The following LMTK2 variants were observed in gnomAD, a reference collection of about 807,000 sequenced individuals.
LMTK2 encodes the protein lemur tail kinase 2, also known as serine/threonine-protein kinase LMTK2.
Under a neutral mutation model 127.5 loss-of-function variants are expected in LMTK2, and 37 were observed. The observed-to-expected ratio is 0.29, with a 90% CI of 0.22 to 0.38. The LOEUF (loss-of-function observed/expected upper bound fraction) is 0.38, where lower values mean the gene tolerates loss of function less well. LMTK2 is among the 10% of genes least tolerant of loss of function. LMTK2 has a pLI of 1.00. For synonymous variants in LMTK2, 819 were observed against 810.1 expected, an observed-to-expected ratio of 1.01 and a Z score of -0.19; for missense variants, 1,694 against 1,920.3, an observed-to-expected ratio of 0.88 and a Z score of 2.20.
chr7:98,174,342 C>T (rs1797244346), intron 7 of LMTK2, among the ~76,000 whole-genome samples: 4 of 152,190 alleles, frequency 2.6e-5, no homozygotes, highest in Admixed American at 2.0e-4. Flanking sequence ...TCTAGTAAGG[C>T]ACCCACAGTG....
intron 1 of LMTK2, among the ~76,000 whole-genome samples, chr7:98,134,085 G>A (rs767978997): frequency 2.4e-4 from 37 of 152,200 alleles, no homozygotes; most frequent in Non-Finnish European, 5.3e-4. Flanking sequence ...AGGAAAGCGA[G>A]GGAGCTTGCA....
chr7:98,125,076 G>A (rs990681785), intron 1 of LMTK2, among the ~76,000 whole-genome samples: 1 of 151,726 alleles, frequency 6.6e-6, no homozygotes, highest in Admixed American at 6.6e-5. Context: ...GGCCGAGGCG[G>A]GCGGATCACG....
intron 1 of LMTK2, among the ~76,000 whole-genome samples, chr7:98,115,107 G>C (rs1796258538): frequency 6.6e-6 from 1 of 152,144 alleles, no homozygotes. Context: ...TAAATGACAT[G>C]GGACGGAAAG....
At chr7:98,115,421 AAAAG>A (rs1039473594) in intron 1 of LMTK2, among the ~76,000 whole-genome samples, 18 of 152,080 alleles carry the variant, frequency 1.2e-4, no homozygotes, top group South Asian at 6.2e-4. Context: ...AAGAAAGAGA[AAAAG>A]AAAGAAGAAA....
At chr7:98,188,427 G>A (rs2116454400) in intron 9 of LMTK2, among the ~76,000 whole-genome samples, 1 of 152,166 alleles carries the variant, frequency 6.6e-6, no homozygotes, top group South Asian at 2.1e-4. Context: ...ATCTGGGAAA[G>A]ACTTTATTTC....
intron 7 of LMTK2, among the ~76,000 whole-genome samples, chr7:98,179,267 A>G (rs1445872757): frequency 8.5e-5 from 13 of 152,248 alleles, no homozygotes; most frequent in Non-Finnish European, 8.8e-5. Flanking sequence ...TCATCCTGCC[A>G]TCCAGGAAAT....
At chr7:98,166,999 A>G (rs892828754) in intron 6 of LMTK2, among the ~76,000 whole-genome samples, 1 of 152,270 alleles carries the variant, frequency 6.6e-6, no homozygotes, top group Admixed American at 6.5e-5. Context: ...TTCCCAAATT[A>G]AGTGTCTTTG....
chr7:98,135,620 A>G (rs1165451384), intron 1 of LMTK2, among the ~76,000 whole-genome samples: 4 of 152,142 alleles, frequency 2.6e-5, no homozygotes, highest in African/African-American at 7.2e-5. Context: ...TGTGCCTGCC[A>G]TAGATGAGGA....
chr7:98,133,447 C>A (rs1191847298), intron 1 of LMTK2, among the ~76,000 whole-genome samples: 1 of 151,796 alleles, frequency 6.6e-6, no homozygotes, highest in Non-Finnish European at 1.5e-5. Flanking sequence ...ACCCATCTCA[C>A]CTTCCAGCCT....
In LMTK2 at chr7:98,138,912, C is replaced by G. The variant is rs28664159; in HGVS notation, c.231+1470C>G. On this transcript the variant is annotated intron_variant, in intron 2 of 13. Transcript: ENST00000297293. ...GGGCCGCAGTGTCTTAGAGGACTCT[C>G]CAGCTCTAGAGTCTGTGTGACTGTG... is the stretch of plus-strand genomic sequence containing the variant. 3.6e-3 allele frequency among the ~76,000 whole-genome samples: 543 copies of G among 152,314 alleles called. 4 individuals are homozygous for G. Among genetic ancestry groups the G allele is most frequent in the African/African-American group, 0.013 (525 of 41,564 alleles).
chr7:98,202,799 C>T (rs572389572), intron 11 of LMTK2, among the ~76,000 whole-genome samples: 5 of 152,214 alleles, frequency 3.3e-5, no homozygotes, highest in East Asian at 1.9e-4. Context: ...GCAACTTCAT[C>T]GGGTCACCTT....
chr7:98,192,370 A>G lies in LMTK2; in HGVS notation c.1905A>G (p.Ile635Met), dbSNP rs116206908. 4.6e-4 allele frequency: 740 copies of G among 1,599,696 alleles called. 4 individuals carry two copies. In the African/African-American group the frequency reaches 8.9e-3, roughly 19 times the overall value. ...GCCCCGAGAGCCCTTTCAACAATAT[A>G]TTTAATGATGTGGACAAATCGGAAG... ...TSGPESPFNN[I>M]FNDVDKSEDL... is the part of the protein sequence containing the mutation. Residue 635 changes from isoleucine to methionine, a missense_variant, in exon 11 of 14, where the codon ATA (isoleucine) becomes ATG (methionine). By Grantham distance (10) the Ile-to-Met change is conservative. This residue lies in a region of LMTK2 where 527 missense variants were observed against 539.8 expected (regional missense o/e 0.98). Transcript: ENST00000297293.
At chr7:98,203,322 G>A (rs576947936) in intron 11 of LMTK2, among the ~76,000 whole-genome samples, 3 of 152,318 alleles carry the variant, frequency 2.0e-5, no homozygotes, top group Non-Finnish European at 2.9e-5. Context: ...GCTCGTGCCC[G>A]CCTGCCTGCT....
chr7:98,196,253 G>A (rs1001676609), intron 11 of LMTK2, among the ~76,000 whole-genome samples: 3 of 151,896 alleles, frequency 2.0e-5, no homozygotes, highest in African/African-American at 4.8e-5. Context: ...TTCTGCGAGG[G>A]GCCAGGAGGC....
intron 6 of LMTK2, among the ~76,000 whole-genome samples, chr7:98,161,779 G>A (rs934717735): frequency 6.6e-6 from 1 of 152,164 alleles, no homozygotes; most frequent in African/African-American, 2.4e-5. Flanking sequence ...AGGACACAGA[G>A]ATGCGCCCTC....
Position 98,193,434 on chromosome 7 carries a change from C to T in LMTK2, c.2969C>T (p.Ser990Phe). The stretch of plus-strand genomic sequence containing the variant: ...AGCTTGTCAGCACCCTTCCCAGCCT[C>T]TGAGCCGTCCCTGGAAACCCCGGAC... ...EDSLSAPFPA[S>F]EPSLETPDSL... Residue 990 changes from serine (S) to phenylalanine (F), a missense_variant, in exon 11 of 14, where the codon TCT (serine) becomes TTT (phenylalanine). By Grantham distance (155) the Ser-to-Phe change is radical (BLOSUM62 -2). Around this residue, in one of 8 missense-constraint regions of LMTK2, gnomAD observed 527 missense variants for 539.8 expected, o/e 0.98. Coordinates refer to ENST00000297293, the MANE Select transcript of LMTK2 (RefSeq NM_014916.4). The surrounding 1 kb of genome is among the most constrained non-coding windows in gnomAD (Gnocchi z 4.1). 1 of 1,614,174 alleles carries T rather than the reference C, an allele frequency of 6.2e-7. No homozygotes were observed. The highest frequency in any genetic ancestry group is 1.1e-5 in the South Asian group (1 of 91,086).
intron 13 of LMTK2, among the ~76,000 whole-genome samples, 182 bp downstream of exon 13, chr7:98,204,368 T>C (rs1233800921): frequency 1.3e-5 from 2 of 152,140 alleles, no homozygotes; most frequent in African/African-American, 4.8e-5. Flanking sequence ...CTGCCTGTAA[T>C]CCCAGCTACT....
intron 3 of LMTK2, among the ~76,000 whole-genome samples, chr7:98,148,226 A>G (rs1796799579): frequency 6.6e-6 from 1 of 151,924 alleles, no homozygotes; most frequent in Non-Finnish European, 1.5e-5. Context: ...GTGATGGCTT[A>G]TGCCTGTAAT....
chr7:98,199,040 A>G lies in LMTK2; in HGVS notation c.4107+4468A>G, dbSNP rs190568544. 3.3e-3 allele frequency among the ~76,000 whole-genome samples: 506 copies of G among 152,248 alleles called. 3 individuals carry two copies. The highest frequency in any genetic ancestry group is 0.012 in the African/African-American group (478 of 41,562). On this transcript the variant is annotated intron_variant, in intron 11 of 13. Transcript: ENST00000297293. Reference sequence around the variant, plus strand: ...GGAGATTTTATTGTATCTTTTTGTTATTAAATTTTAGTCTAATTCCATTAT... The same window carrying G: ...GGAGATTTTATTGTATCTTTTTGTTGTTAAATTTTAGTCTAATTCCATTAT...
Sources: allele counts gnomAD v4.1 joint callset (sites outside exome capture counted in the v4.1 genomes callset), GRCh38; gene constraint gnomAD v4.1.1; regional missense constraint gnomAD v4.1.1; non-coding constraint Gnocchi (gnomAD v3.1); transcripts MANE v1.5; gene names NCBI Gene and HGNC (gene_info 2026-07-23, HGNC 2026-07-21).